NHLRC1: variants seen among roughly 807,000 people sequenced by gnomAD.
NHLRC1 encodes NHL repeat containing E3 ubiquitin protein ligase 1, also known as E3 ubiquitin-protein ligase NHLRC1.
A neutral mutation model predicts 14.6 loss-of-function variants in NHLRC1; 10 were observed. The observed-to-expected ratio is 0.69, with a 90% confidence interval of 0.42 to 1.17. The LOEUF (loss-of-function observed/expected upper bound fraction) is 1.17. Ranked by LOEUF, NHLRC1 falls within the 50% of genes most tolerant of loss-of-function variation. NHLRC1 has a pLI of 0.00. For synonymous variants in NHLRC1, 231 were observed against 224.0 expected (o/e 1.03, Z -0.28); for missense variants, 526 against 522.9 (o/e 1.01, Z -0.06).
In NHLRC1 at chr6:18,120,631, A is replaced by G. The variant is rs1161367198; in HGVS notation, c.*788T>C. 1 of 152,128 alleles carries G rather than the reference A, an allele frequency of 6.6e-6. No individual in the cohort carries two copies. The highest frequency in any genetic ancestry group is 1.9e-4 in the East Asian group (1 of 5,188). 9.4% of individuals were successfully genotyped at this position (152,128 alleles called of 1,614,324 possible). ...CACCACAAAATCCTTTTTCTCCTGAACTCTCCATAAAGTCTCCTTTCTTTG... is the reference window on the plus strand; with the variant it reads ...CACCACAAAATCCTTTTTCTCCTGAGCTCTCCATAAAGTCTCCTTTCTTTG... On this transcript the variant is annotated 3_prime_UTR_variant, in exon 1 of 1. Transcript: ENST00000340650.
At position 18,121,334 on chromosome 6, in the gene NHLRC1, A is replaced by T. The variant is rs73379121; in HGVS notation, c.*85T>A. On this transcript the variant is annotated 3_prime_UTR_variant, in exon 1 of 1. Coordinates refer to ENST00000340650, the MANE Select transcript of NHLRC1 (RefSeq NM_198586.3). The surrounding 1 kb of genome is among the most constrained non-coding windows in gnomAD (Gnocchi z 4.7). The stretch of plus-strand genomic sequence containing the variant: ...GTTTTAATTATCCCTGCCTGGATAG[A>T]TGAGTTTAAGTGACTTATCCAGGGT... 3.7e-3 allele frequency: 3,612 copies of T among 978,994 alleles called. 85 individuals are homozygous for T. The African/African-American group carries it at 0.05, about 14-fold the overall frequency. 60.6% of individuals were successfully genotyped at this position (978,994 alleles called of 1,614,324 possible).
In NHLRC1 at chr6:18,121,786, C is replaced by T. The variant is rs1281512045; in HGVS notation, c.821G>A (p.Gly274Glu). 6.2e-7 allele frequency: 1 copy of T among 1,614,024 alleles called. No homozygotes were observed. Among genetic ancestry groups the T allele is most frequent in the East Asian group, 2.2e-5 (1 of 44,860 alleles). Residue 274 changes from glycine to glutamate, a missense_variant, in exon 1 of 1, where the codon GGG (glycine) becomes GAG (glutamate). Gly to Glu is a moderately conservative substitution (Grantham distance 98, BLOSUM62 -2). Coordinates refer to ENST00000340650, the MANE Select transcript of NHLRC1 (RefSeq NM_198586.3). The surrounding 1 kb of genome is among the most constrained non-coding windows in gnomAD (Gnocchi z 4.7). ...GGGGTGCTCCAGGACCGCAATGGCC[C>T]CGGTGAGCCAAGACACTGCCACCCC... ...PRGVAVSWLT[G>E]AIAVLEHPLA...
Position 18,121,430 on chromosome 6 carries a change from C to A in NHLRC1, c.1177G>T (p.Asp393Tyr). 1 of 1,613,860 alleles carries A rather than the reference C, an allele frequency of 6.2e-7. No homozygotes were observed. Among genetic ancestry groups the A allele is most frequent in the South Asian group, 1.1e-5 (1 of 91,026 alleles). The change falls in exon 1 of 1, where the codon GAC becomes TAC. Residue 393 changes from aspartate (D) to tyrosine (Y), a missense_variant. Physicochemically the swap from Asp to Tyr is radical, Grantham distance 160. Coordinates refer to ENST00000340650, the MANE Select transcript of NHLRC1 (RefSeq NM_198586.3). The surrounding 1 kb of genome is among the most constrained non-coding windows in gnomAD (Gnocchi z 4.7). ...ASHSIKVYKV[D>Y]WG The stretch of plus-strand genomic sequence containing the variant: ...CCCACCCCAGCCCATCACCCCCAGT[C>A]AACTTTATAGACTTTTATAGAATGA...
rs182779486 is a variant in NHLRC1, at chr6:18,121,171, G to C, written c.*248C>G. On this transcript the variant is annotated 3_prime_UTR_variant, in exon 1 of 1. Coordinates refer to ENST00000340650, the MANE Select transcript of NHLRC1 (RefSeq NM_198586.3). This position sits in a 1 kb window ranked among gnomAD's most constrained non-coding sequence, Gnocchi z 4.7. Reference sequence around the variant, plus strand: ...GGTGACAGAGCTTGACTCTATCTTGGGGGGGAAGAAATTACCTCACTGGAT... The same window carrying C: ...GGTGACAGAGCTTGACTCTATCTTGCGGGGGAAGAAATTACCTCACTGGAT... The C allele has an allele frequency of 1.8e-4, 90 of 506,246 alleles. No homozygotes were observed. The highest frequency in any genetic ancestry group is 1.7e-3 in the South Asian group (79 of 47,472). 31.4% of individuals were successfully genotyped at this position (506,246 alleles called of 1,614,324 possible).
In NHLRC1 at chr6:18,122,668, G is replaced by A. The variant is rs1783765436; in HGVS notation, c.-62C>T. ...GTGCCCCAGCGACGCTCTCGGTCAC[G>A]GTCACAGTCATGGTCACGGGGTGGG... On this transcript the variant is annotated 5_prime_UTR_variant, in exon 1 of 1. Transcript: ENST00000340650. 1 of 1,466,116 alleles carries A rather than the reference G, an allele frequency of 6.8e-7. No individual in the cohort carries two copies. The highest frequency in any genetic ancestry group is 1.2e-5 in the South Asian group (1 of 85,390). The allele number at this position is 1,466,116 out of a possible 1,614,324, so 90.8% of individuals were successfully genotyped here.
In NHLRC1 at chr6:18,121,910, C is replaced by T. The variant is rs759875696; in HGVS notation, c.697G>A (p.Asp233Asn). Residue 233 changes from aspartate to asparagine, a missense_variant, in exon 1 of 1, where the codon GAT becomes AAT. Asp to Asn is a conservative substitution (Grantham distance 23, BLOSUM62 1). Coordinates refer to ENST00000340650, the MANE Select transcript of NHLRC1 (RefSeq NM_198586.3). The surrounding 1 kb of genome is among the most constrained non-coding windows in gnomAD (Gnocchi z 4.7). The part of the protein sequence containing the change: ...TTPQNGIVVT[D>N]AEAGSLHLLD... ...AGGTGCAGGGACCCTGCCTCCGCAT[C>T]AGTTACCACAATCCCATTCTGAGGG... 1 of 1,614,198 alleles carries T rather than the reference C, an allele frequency of 6.2e-7. No homozygotes were observed. Among genetic ancestry groups the T allele is most frequent in the South Asian group, 1.1e-5 (1 of 91,084 alleles).
chr6:18,122,270 C>CT lies in NHLRC1; in HGVS notation c.336dup (p.Ala113SerfsTer43). The stretch of plus-strand genomic sequence containing the variant: ...CCGAAGGTGTGGTGGCAGGTGAGGG[C>CT]TCCGGGGGCGCTGGGGGCGGCGCGA... On this transcript the variant is annotated frameshift_variant, in exon 1 of 1. Coordinates refer to ENST00000340650, the MANE Select transcript of NHLRC1 (RefSeq NM_198586.3). LOFTEE classifies it high-confidence loss of function. 6.2e-7 allele frequency: 1 copy of CT among 1,604,332 alleles called. No individual in the cohort carries two copies. Among genetic ancestry groups the CT allele is most frequent in the Non-Finnish European group, 8.5e-7 (1 of 1,179,060 alleles).
chr6:18,122,088 G>A lies in NHLRC1; in HGVS notation c.519C>T (p.Asp173=). ...TGGTGACATCCACAGGGTACCTAATGTCTTGGGCAGCGTCCCCCTTCTCTC... is the reference window on the plus strand; with the variant it reads ...TGGTGACATCCACAGGGTACCTAATATCTTGGGCAGCGTCCCCCTTCTCTC... The part of the protein sequence containing the change: ...QFGEKGDAAQ[D]IRYPVDVTIT... Residue 173 remains aspartate (D), a synonymous_variant, in exon 1 of 1, where the codon GAC becomes GAT. Transcript: ENST00000340650. The A allele has an allele frequency of 6.2e-7, 1 of 1,614,094 alleles. No individual in the cohort carries two copies. Among genetic ancestry groups the A allele is most frequent in the Admixed American group, 1.7e-5 (1 of 60,024 alleles).
Position 18,121,664 on chromosome 6 carries a change from A to T in NHLRC1, c.943T>A (p.Tyr315Asn). 2.5e-6 allele frequency: 4 copies of T among 1,614,162 alleles called. No homozygotes were observed. Among genetic ancestry groups the T allele is most frequent in the Non-Finnish European group, 3.4e-6 (4 of 1,180,044 alleles). Residue 315 changes from tyrosine to asparagine, a missense_variant, in exon 1 of 1, where the codon TAC becomes AAC. Tyr to Asn is a moderately radical substitution (Grantham distance 143, BLOSUM62 -2). Coordinates refer to ENST00000340650, the MANE Select transcript of NHLRC1 (RefSeq NM_198586.3). This position sits in a 1 kb window ranked among gnomAD's most constrained non-coding sequence, Gnocchi z 4.7. ...GAGGCAGTTATTTTGGAGGGAAAGT[A>T]GAGGCTCAGCCCAAAGGTATCCACT... is the stretch of plus-strand genomic sequence containing the variant. ...GQVDTFGLSLYFPSKITASAV... is the reference protein window; with the variant it reads ...GQVDTFGLSLNFPSKITASAV...
chr6:18,122,031 G>C lies in NHLRC1; in HGVS notation c.576C>G (p.Asp192Glu). 1 of 1,614,216 alleles carries C rather than the reference G, an allele frequency of 6.2e-7. No homozygotes were observed. Among genetic ancestry groups the C allele is most frequent in the Non-Finnish European group, 8.5e-7 (1 of 1,180,040 alleles). ...ACACTTTGATGGAGCGATCGCCGGC[G>C]TCAGTGACAACCACATGGCAGTCGT... ...ITNDCHVVVT[D>E]AGDRSIKVFD... Residue 192 changes from aspartate to glutamate, a missense_variant, in exon 1 of 1, where the codon GAC becomes GAG. Transcript: ENST00000340650.
In NHLRC1 at chr6:18,121,339, T is replaced by G; in HGVS notation, c.*80A>C. The G allele has an allele frequency of 9.3e-7, 1 of 1,072,354 alleles. No individual in the cohort carries two copies. The highest frequency in any genetic ancestry group is 1.4e-6 in the Non-Finnish European group (1 of 701,808). The allele number at this position is 1,072,354 out of a possible 1,614,324, so 66.4% of individuals were successfully genotyped here. A position where few individuals can be genotyped will look rare whatever the true frequency, so the allele number is the denominator to read the frequency against. Reference sequence around the variant, plus strand: ...AATTATCCCTGCCTGGATAGATGAGTTTAAGTGACTTATCCAGGGTTAAAC... The same window carrying G: ...AATTATCCCTGCCTGGATAGATGAGGTTAAGTGACTTATCCAGGGTTAAAC... On this transcript the variant is annotated 3_prime_UTR_variant, in exon 1 of 1. Transcript: ENST00000340650. The surrounding 1 kb of genome is among the most constrained non-coding windows in gnomAD (Gnocchi z 4.7).
In NHLRC1 at chr6:18,122,270, C is replaced by T. The variant is rs570505924; in HGVS notation, c.337G>A (p.Ala113Thr). Residue 113 changes from alanine to threonine, a missense_variant, in exon 1 of 1, where the codon GCC becomes ACC. Transcript: ENST00000340650. ...CCGAAGGTGTGGTGGCAGGTGAGGG[C>T]TCCGGGGGCGCTGGGGGCGGCGCGA... ...AHRAAPSAPG[A>T]LTCHHTFGGW... The T allele has an allele frequency of 9.3e-6, 15 of 1,604,332 alleles. No homozygotes were observed. The Admixed American group carries it at 2.0e-4, about 21-fold the overall frequency.
In NHLRC1 at chr6:18,122,209, G is replaced by T; in HGVS notation, c.398C>A (p.Ala133Glu). The change falls in exon 1 of 1, where the codon GCG becomes GAG. Residue 133 changes from alanine (A) to glutamate (E), a missense_variant. By Grantham distance (107) the Ala-to-Glu change is moderately radical. Coordinates refer to ENST00000340650, the MANE Select transcript of NHLRC1 (RefSeq NM_198586.3). ...WGTLVNPTGL[A>E]LCPKTGRVVV... is the part of the protein sequence containing the mutation. ...GACACGCCCCGTCTTGGGACAAAGC[G>T]CCAGTCCGGTGGGGTTGACCAGGGT... 1.9e-6 allele frequency: 3 copies of T among 1,613,178 alleles called. No individual in the cohort carries two copies. Among genetic ancestry groups the T allele is most frequent in the Non-Finnish European group, 2.5e-6 (3 of 1,180,034 alleles).
Position 18,122,598 on chromosome 6 carries a change from G to C in NHLRC1, c.9C>G (p.Ala3=), listed in dbSNP as rs1360641527. 2 of 1,592,638 alleles carry C rather than the reference G, an allele frequency of 1.3e-6. No homozygotes were observed. The highest frequency in any genetic ancestry group is 2.2e-5 in the East Asian group (1 of 44,644). The change falls in exon 1 of 1, where the codon GCC becomes GCG. Residue 3 remains alanine, a synonymous_variant. Transcript: ENST00000340650. MA[A]EASESGPALH... ...GCGCTGGCCCGCTCTCCGAGGCTTC[G>C]GCCGCCATGGCGCGTCCTGTGCACT...
Position 18,121,641 on chromosome 6 carries a change from G to A in NHLRC1, c.966C>T (p.Ala322=). ...CCTGGTGATCAAAGGTCACAGCGGA[G>A]GCAGTTATTTTGGAGGGAAAGTAGA... is the stretch of plus-strand genomic sequence containing the variant. ...LSLYFPSKIT[A]SAVTFDHQGN... Residue 322 remains alanine, a synonymous_variant, in exon 1 of 1, where the codon GCC becomes GCT. Coordinates refer to ENST00000340650, the MANE Select transcript of NHLRC1 (RefSeq NM_198586.3). This position sits in a 1 kb window ranked among gnomAD's most constrained non-coding sequence, Gnocchi z 4.7. The A allele has an allele frequency of 1.2e-6, 2 of 1,614,176 alleles. No individual in the cohort carries two copies. Among genetic ancestry groups the A allele is most frequent in the Admixed American group, 1.7e-5 (1 of 60,024 alleles).
In NHLRC1 at chr6:18,121,867, G is replaced by A. The variant is rs367906378; in HGVS notation, c.740C>T (p.Ala247Val). 1.5e-5 allele frequency: 24 copies of A among 1,614,100 alleles called. No homozygotes were observed. The African/African-American group carries it at 2.4e-4, about 16-fold the overall frequency. The change falls in exon 1 of 1, where the codon GCG becomes GTG. Residue 247 changes from alanine to valine, a missense_variant. By Grantham distance (64) the Ala-to-Val change is moderately conservative. Transcript: ENST00000340650. The surrounding 1 kb of genome is among the most constrained non-coding windows in gnomAD (Gnocchi z 4.7). The part of the protein sequence containing the change: ...GSLHLLDVDF[A>V]EGVLRRTERL... ...TTCAGTTCTCCGAAGGACCCCTTCC[G>A]CGAAGTCGACGTCCAGGAGGTGCAG...
At position 18,121,751 on chromosome 6, in the gene NHLRC1, C is replaced by A. The variant is rs554356127; in HGVS notation, c.856G>T (p.Gly286Trp). Residue 286 changes from glycine (G) to tryptophan (W), a missense_variant, in exon 1 of 1, where the codon GGG becomes TGG. By Grantham distance (184) the Gly-to-Trp change is radical. Transcript: ENST00000340650. This position sits in a 1 kb window ranked among gnomAD's most constrained non-coding sequence, Gnocchi z 4.7. ...IAVLEHPLAL[G>W]TGVCSTRVKV... ...ACCCTGGTGCTGCAAACCCCAGTCC[C>A]CAGGGCCAGGGGGTGCTCCAGGACC... The A allele has an allele frequency of 6.2e-7, 1 of 1,613,910 alleles. No individual in the cohort carries two copies. The highest frequency in any genetic ancestry group is 1.3e-5 in the African/African-American group (1 of 74,910).
rs1425237518 is a variant in NHLRC1, at chr6:18,121,663, T to TAGAG, written c.940_943dup (p.Tyr315SerfsTer15). The TAGAG allele has an allele frequency of 6.2e-7, 1 of 1,614,118 alleles. No homozygotes were observed. Among genetic ancestry groups the TAGAG allele is most frequent in the Non-Finnish European group, 8.5e-7 (1 of 1,180,030 alleles). ...GGAGGCAGTTATTTTGGAGGGAAAGTAGAGGCTCAGCCCAAAGGTATCCAC... is the reference window on the plus strand; with the variant it reads ...GGAGGCAGTTATTTTGGAGGGAAAGTAGAGAGAGGCTCAGCCCAAAGGTATCCAC... On this transcript the variant is annotated frameshift_variant, in exon 1 of 1. Coordinates refer to ENST00000340650, the MANE Select transcript of NHLRC1 (RefSeq NM_198586.3). LOFTEE classifies it high-confidence loss of function. The surrounding 1 kb of genome is among the most constrained non-coding windows in gnomAD (Gnocchi z 4.7).
In NHLRC1 at chr6:18,121,705, A is replaced by G. The variant is rs1319140257; in HGVS notation, c.902T>C (p.Met301Thr). 1.9e-6 allele frequency: 3 copies of G among 1,614,140 alleles called. No individual in the cohort carries two copies. In the South Asian group the frequency reaches 3.3e-5, roughly 18 times the overall value. Residue 301 changes from methionine (M) to threonine (T), a missense_variant, in exon 1 of 1, where the codon ATG (methionine) becomes ACG (threonine). By Grantham distance (81) the Met-to-Thr change is moderately conservative. Transcript: ENST00000340650. The surrounding 1 kb of genome is among the most constrained non-coding windows in gnomAD (Gnocchi z 4.7). The part of the protein sequence containing the change: ...STRVKVFSSS[M>T]QLVGQVDTFG... ...GGTATCCACTTGGCCGACAAGCTGC[A>G]TACTTGAGCTAAACACTTTCACCCT...
Sources: allele counts gnomAD v4.1 joint callset, GRCh38; gene constraint gnomAD v4.1.1; non-coding constraint Gnocchi (gnomAD v3.1); transcripts MANE v1.5; gene names NCBI Gene and HGNC (gene_info 2026-07-23, HGNC 2026-07-21).